Variants in MPP3 observed in about 807,000 individuals in gnomAD.
MPP3 encodes MAGUK p55 scaffold protein 3, also known as MAGUK p55 subfamily member 3.
In MPP3, 48 loss-of-function variants were observed where a neutral mutation model predicts 80.7. That is an observed-to-expected ratio of 0.59 (90% CI 0.47 to 0.76). The LOEUF (loss-of-function observed/expected upper bound fraction) is 0.76, where lower values mean the gene tolerates loss of function less well. Ranked by LOEUF, MPP3 falls within the 30% of genes least tolerant of loss-of-function variation. MPP3 has a pLI of 0.00. For synonymous variants in MPP3, 311 were observed against 297.6 expected, an observed-to-expected ratio of 1.04 and a Z score of -0.46; for missense variants, 620 against 763.0, an observed-to-expected ratio of 0.81 and a Z score of 2.21.
At chr17:43,831,345 T>C in intron 4 of MPP3, 24 bp from the exon 5 acceptor site, 2 of 1,611,364 alleles carry the variant, frequency 1.2e-6, no homozygotes, top group Non-Finnish European at 1.7e-6. Context: ...GTATTTCAGA[T>C]GCACCCTGGA....
At chr17:43,804,796 C>G (rs1319494273) in intron 19 of MPP3, among the ~76,000 whole-genome samples, 1 of 152,194 alleles carries the variant, frequency 6.6e-6, no homozygotes, top group Non-Finnish European at 1.5e-5. Flanking sequence ...GCAGGTGGAT[C>G]ACCCAGGTCA....
In MPP3 at chr17:43,801,545, C is replaced by T. The variant is rs548179337; in HGVS notation, c.*156G>A. ...GTGAAAAACAACAGACAAAAACCAA[C>T]AACAAACAAGACTTCCCACTTATAC... On this transcript the variant is annotated 3_prime_UTR_variant, in exon 20 of 20. Coordinates refer to ENST00000398389, the MANE Select transcript of MPP3 (RefSeq NM_001932.6). The T allele has an allele frequency of 9.0e-6, 6 of 669,780 alleles. No homozygotes were observed. Among genetic ancestry groups the T allele is most frequent in the African/African-American group, 7.4e-5 (4 of 53,808 alleles). 41.5% of individuals were successfully genotyped at this position (669,780 alleles called of 1,614,324 possible).
rs138030782 is a variant in MPP3, at chr17:43,811,181, T to C, written c.1280A>G (p.His427Arg). 748 of 1,614,118 alleles carry C rather than the reference T, an allele frequency of 4.6e-4. 1 individual carries two copies. The highest frequency in any genetic ancestry group is 8.2e-4 in the Middle Eastern group (5 of 6,062). The change falls in exon 17 of 20, where the codon CAT (histidine) becomes CGT (arginine). Residue 427 changes from histidine (H) to arginine (R), a missense_variant. Transcript: ENST00000398389. ...GTGATATTCCACTCCTTCCTTCTCA[T>C]GGCTCTTTCGGGGCCTGGTGGTATC... is the stretch of plus-strand genomic sequence containing the variant. The part of the protein sequence containing the change: ...VPHTTRPRKS[H>R]EKEGVEYHFV...
intron 19 of MPP3, among the ~76,000 whole-genome samples, chr17:43,803,575 AAC>A (rs1469866663): frequency 6.6e-6 from 1 of 152,180 alleles, no homozygotes; most frequent in Non-Finnish European, 1.5e-5. Context: ...TCAGCAAGGA[AAC>A]AGAGGATGTT....
intron 10 of MPP3, among the ~76,000 whole-genome samples, chr17:43,822,475 TCTA>T (rs2154591393): frequency 6.6e-6 from 1 of 151,998 alleles, no homozygotes; most frequent in East Asian, 1.9e-4. Flanking sequence ...GCCAGGAAAC[TCTA>T]CTATGAAATC....
intron 5 of MPP3, 23 bp downstream of exon 5, chr17:43,831,221 G>A (rs1288764689): frequency 1.2e-6 from 2 of 1,612,770 alleles, no homozygotes; most frequent in African/African-American, 1.3e-5. Context: ...GGCAGACACT[G>A]TAAGGAGAAA....
chr17:43,828,167 TCA>T (rs2045805106), intron 7 of MPP3, among the ~76,000 whole-genome samples: 1 of 152,168 alleles, frequency 6.6e-6, no homozygotes. Context: ...CTCTCTCATA[TCA>T]CAGTTCCTAC....
intron 9 of MPP3, 57 bp downstream of exon 9, chr17:43,825,699 G>T: frequency 1.7e-6 from 2 of 1,168,846 alleles, no homozygotes; most frequent in Non-Finnish European, 2.6e-6. Context: ...TCCAGGAAGT[G>T]CCTTGCTCTG....
Position 43,813,992 on chromosome 17 carries a change from C to T in MPP3, c.1255+19G>A, listed in dbSNP as rs748468799. The stretch of plus-strand genomic sequence containing the variant: ...GTGTGTGTGCAGACAAACACACACT[C>T]CCACATGGGCCCTCTTACGTGGAAC... On this transcript the variant is annotated intron_variant, in intron 16 of 19. Coordinates refer to ENST00000398389, the MANE Select transcript of MPP3 (RefSeq NM_001932.6). 4 of 1,592,746 alleles carry T rather than the reference C, an allele frequency of 2.5e-6. No homozygotes were observed. The South Asian group carries it at 3.4e-5, about 13-fold the overall frequency.
chr17:43,801,927 C>A (rs1201640623), intron 19 of MPP3, 50 bp from the exon 20 acceptor site: 2 of 1,574,410 alleles, frequency 1.3e-6, no homozygotes, highest in East Asian at 2.2e-5. Flanking sequence ...TCTCCTATAA[C>A]AAACCTATAA....
At chr17:43,832,256 G>A (rs1337139503) in intron 2 of MPP3, 1 of 375,868 alleles carries the variant, frequency 2.7e-6, no homozygotes, top group African/African-American at 2.2e-5. Context: ...AGTAAGCTGT[G>A]GGTCAAAATC....
intron 11 of MPP3, among the ~76,000 whole-genome samples, chr17:43,818,485 G>C (rs570941810): frequency 6.6e-6 from 1 of 152,268 alleles, no homozygotes; most frequent in East Asian, 1.9e-4. Flanking sequence ...AGAAATAGCA[G>C]AATGACTCCC....
intron 7 of MPP3, among the ~76,000 whole-genome samples, chr17:43,828,172 G>C (rs1455482508): frequency 6.6e-6 from 1 of 152,264 alleles, no homozygotes; most frequent in East Asian, 1.9e-4. Context: ...TCATATCACA[G>C]TTCCTACCAC....
chr17:43,812,131 CATGGTGTT>C (rs2044891424), intron 16 of MPP3, among the ~76,000 whole-genome samples: 1 of 152,218 alleles, frequency 6.6e-6, no homozygotes, highest in Non-Finnish European at 1.5e-5. Flanking sequence ...TGTTGAAACA[CATGGTGTT>C]TTCTCATTGA....
chr17:43,807,847 C>G (rs1484600839), intron 19 of MPP3, among the ~76,000 whole-genome samples: 3 of 151,962 alleles, frequency 2.0e-5, no homozygotes, highest in African/African-American at 7.2e-5. Flanking sequence ...GTAGTCTCAG[C>G]TACCTAGGAA....
intron 12 of MPP3, among the ~76,000 whole-genome samples, chr17:43,817,093 C>A (rs896468125): frequency 1.3e-5 from 2 of 152,154 alleles, no homozygotes; most frequent in Non-Finnish European, 2.9e-5. Context: ...AACGCAGATG[C>A]CTGAGGATGG....
At chr17:43,815,792 G>T (rs762479769) in intron 14 of MPP3, 1 of 680,118 alleles carries the variant, frequency 1.5e-6, no homozygotes, top group South Asian at 1.5e-5. Flanking sequence ...TAATGTAGGG[G>T]TGTGTGTGCC....
intron 16 of MPP3, among the ~76,000 whole-genome samples, chr17:43,812,444 A>G (rs898183168): frequency 2.6e-5 from 4 of 152,162 alleles, no homozygotes; most frequent in African/African-American, 9.7e-5. Context: ...TGAGTATCTG[A>G]GACCTGCGTG....
In MPP3 at chr17:43,801,658, T is replaced by C; in HGVS notation, c.*43A>G. ...GTAAAATGAGGGAGTCTGGACTAGATGATCTTCAAGGTCCCGTCCAGCTTG... is the reference window on the plus strand; with the variant it reads ...GTAAAATGAGGGAGTCTGGACTAGACGATCTTCAAGGTCCCGTCCAGCTTG... On this transcript the variant is annotated 3_prime_UTR_variant, in exon 20 of 20. Coordinates refer to ENST00000398389, the MANE Select transcript of MPP3 (RefSeq NM_001932.6). The C allele has an allele frequency of 6.3e-7, 1 of 1,584,110 alleles. No homozygotes were observed. The highest frequency in any genetic ancestry group is 8.7e-7 in the Non-Finnish European group (1 of 1,154,004).
Sources: gnomAD v4.1 joint callset for allele counts (sites outside exome capture counted in the v4.1 genomes callset) on GRCh38, gnomAD v4.1.1 for gene constraint, MANE v1.5 for transcripts, NCBI Gene and HGNC (gene_info 2026-07-23, HGNC 2026-07-21) for gene names.